Variants in ROBO2 observed in about 807,000 individuals in gnomAD.
The protein encoded by ROBO2 is roundabout homolog 2.
ROBO2 carries 53 observed loss-of-function variants against 160.8 expected under a neutral mutation model. The ratio of observed to expected loss-of-function variants is 0.33; its 90% CI spans 0.26 to 0.41. The LOEUF (loss-of-function observed/expected upper bound fraction) is 0.41. Ranked by LOEUF, ROBO2 falls within the 10% of genes least tolerant of loss-of-function variation. The pLI, the probability that ROBO2 is intolerant of heterozygous loss-of-function variation, is 1.00. For synonymous variants in ROBO2, 664 were observed against 611.7 expected (o/e 1.09, Z -1.26); for missense variants, 1,577 against 1,722.4 (o/e 0.92, Z 1.49).
chr3:77,393,038 C>T (rs756681369), intron 2 of ROBO2, among the ~76,000 whole-genome samples: 1 of 152,124 alleles, frequency 6.6e-6, no homozygotes, highest in Non-Finnish European at 1.5e-5. Context: ...ATTACTACAT[C>T]ATTTTTGTCT....
intron 2 of ROBO2, among the ~76,000 whole-genome samples, chr3:76,379,749 A>C (rs903699934): frequency 6.6e-6 from 1 of 152,158 alleles, no homozygotes; most frequent in Non-Finnish European, 1.5e-5. Flanking sequence ...TCCATAGGTG[A>C]CTTTGTCATT....
chr3:77,373,753 C>G (rs1343187063), intron 2 of ROBO2, among the ~76,000 whole-genome samples: 3 of 149,604 alleles, frequency 2.0e-5, no homozygotes, highest in Non-Finnish European at 4.4e-5. Context: ...TGGGTTTATC[C>G]AAAGGAAGGA....
intron 1 of ROBO2, among the ~76,000 whole-genome samples, chr3:77,071,943 GC>G (rs771735291): frequency 6.6e-5 from 10 of 152,006 alleles, no homozygotes; most frequent in Admixed American, 1.3e-4. Flanking sequence ...CAACCCCTGG[GC>G]CCCGGACCAG....
At chr3:77,045,262 A>C (rs1162396270) in intron 1 of ROBO2, among the ~76,000 whole-genome samples, 1 of 152,228 alleles carries the variant, frequency 6.6e-6, no homozygotes, top group Non-Finnish European at 1.5e-5. Context: ...GCTTACCCAG[A>C]ATACTTGACT....
At chr3:76,274,286 A>C (rs1374344798) in intron 2 of ROBO2, among the ~76,000 whole-genome samples, 1 of 152,144 alleles carries the variant, frequency 6.6e-6, no homozygotes, top group Non-Finnish European at 1.5e-5. Flanking sequence ...CCAACATGGC[A>C]CATGTATACA....
chr3:77,471,946 A>G (rs906604131), intron 2 of ROBO2, among the ~76,000 whole-genome samples: 37 of 152,202 alleles, frequency 2.4e-4, no homozygotes, highest in African/African-American at 8.4e-4. Context: ...GGTTAATGAG[A>G]TATCTGAGAA....
chr3:76,914,269 A>G (rs1385709451), intron 2 of ROBO2, among the ~76,000 whole-genome samples: 3 of 152,136 alleles, frequency 2.0e-5, no homozygotes, highest in Non-Finnish European at 4.4e-5. Flanking sequence ...GGTTATCAGC[A>G]TTACATAGAT....
chr3:77,048,184 A>G (rs1382207072), intron 1 of ROBO2, among the ~76,000 whole-genome samples: 1 of 152,252 alleles, frequency 6.6e-6, no homozygotes. Context: ...TAACTAGAAG[A>G]GGACTTTGCT....
At chr3:76,555,047 T>A (rs2083623492) in intron 2 of ROBO2, among the ~76,000 whole-genome samples, 1 of 152,108 alleles carries the variant, frequency 6.6e-6, no homozygotes, top group Admixed American at 6.6e-5. Context: ...GTAAAATGTT[T>A]GTTTTATAGA....
At chr3:76,273,002 ATAT>A (rs1707661505) in intron 2 of ROBO2, among the ~76,000 whole-genome samples, 3 of 94,026 alleles carry the variant, frequency 3.2e-5, no homozygotes, top group African/African-American at 1.3e-4. Flanking sequence ...TATAATTTAT[ATAT>A]AAAAATATAT....
chr3:77,566,269 A>G (rs1317126917), intron 12 of ROBO2, among the ~76,000 whole-genome samples: 3 of 152,012 alleles, frequency 2.0e-5, no homozygotes, highest in South Asian at 4.1e-4. Context: ...CCATTTTGCT[A>G]TTGTTCTCTA....
chr3:76,374,109 A>T (rs997746515), intron 2 of ROBO2, among the ~76,000 whole-genome samples: 1 of 151,948 alleles, frequency 6.6e-6, no homozygotes, highest in Non-Finnish European at 1.5e-5. Context: ...TCTTTTATCA[A>T]AGCCAGTCTG....
At chr3:76,398,821 A>G (rs1041277129) in intron 2 of ROBO2, among the ~76,000 whole-genome samples, 3 of 151,912 alleles carry the variant, frequency 2.0e-5, no homozygotes. Flanking sequence ...AGCATATTCT[A>G]TTACTTTAGT....
At chr3:75,976,158 G>T (rs538637314) in intron 2 of ROBO2, among the ~76,000 whole-genome samples, 1 of 151,614 alleles carries the variant, frequency 6.6e-6, no homozygotes, top group South Asian at 2.1e-4. Context: ...TAATTAAAAA[G>T]AAACTCTACC....
intron 2 of ROBO2, among the ~76,000 whole-genome samples, chr3:76,965,162 A>G (rs950974768): frequency 6.6e-6 from 1 of 152,198 alleles, no homozygotes; most frequent in African/African-American, 2.4e-5. Context: ...GAGAAATGGA[A>G]AGGAGAATCT....
At chr3:76,764,275 A>G (rs1242751784) in intron 2 of ROBO2, among the ~76,000 whole-genome samples, 3 of 151,732 alleles carry the variant, frequency 2.0e-5, no homozygotes, top group African/African-American at 4.8e-5. Context: ...ACCTGATTTC[A>G]ATCCAATTTC....
chr3:76,389,555 C>G (rs1184806309), intron 2 of ROBO2, among the ~76,000 whole-genome samples: 1 of 152,188 alleles, frequency 6.6e-6, no homozygotes, highest in Non-Finnish European at 1.5e-5. Context: ...TGCATGTGCA[C>G]TCTTCAGCCT....
chr3:76,373,830 A>T (rs1349221770), intron 2 of ROBO2, among the ~76,000 whole-genome samples: 1 of 151,872 alleles, frequency 6.6e-6, no homozygotes, highest in East Asian at 1.9e-4. Flanking sequence ...GACTAAGCTG[A>T]TCGTTGCTGG....
At chr3:75,977,982 A>T (rs2065175891) in intron 2 of ROBO2, among the ~76,000 whole-genome samples, 1 of 151,600 alleles carries the variant, frequency 6.6e-6, no homozygotes, top group Non-Finnish European at 1.5e-5. Context: ...AATGTAAAGG[A>T]AGTTAAATTA....
Sources: gnomAD v4.1 joint callset for allele counts (sites outside exome capture counted in the v4.1 genomes callset) on GRCh38, gnomAD v4.1.1 for gene constraint, MANE v1.5 for transcripts, NCBI Gene and HGNC (gene_info 2026-07-23, HGNC 2026-07-21) for gene names.